Variants in SLC23A3 observed in about 807,000 individuals in gnomAD.
SLC23A3 encodes E2-binding protein 3.
A neutral mutation model predicts 64.7 loss-of-function variants in SLC23A3; 41 were observed. The ratio of observed to expected loss-of-function variants is 0.63; its 90% CI spans 0.49 to 0.82. The LOEUF is 0.82. SLC23A3 is among the 40% of genes least tolerant of loss of function. The pLI, the probability that SLC23A3 is intolerant of heterozygous loss-of-function variation, is 0.00. For synonymous variants in SLC23A3, 281 were observed against 306.8 expected (o/e 0.92, Z 0.88); for missense variants, 647 against 733.4 (o/e 0.88, Z 1.36).
intron 7 of SLC23A3, among the ~76,000 whole-genome samples, chr2:219,166,332 A>G (rs541500764): frequency 3.3e-5 from 5 of 151,932 alleles, no homozygotes; most frequent in African/African-American, 9.7e-5. Context: ...AGTAACTGGG[A>G]CTAAAGGTGC....
At position 219,163,472 on chromosome 2, in the gene SLC23A3, T is replaced by C; in HGVS notation, c.1357A>G (p.Asn453Asp). The change falls in exon 10 of 12, where the codon AAT becomes GAT. Residue 453 changes from asparagine to aspartate, a missense_variant. By Grantham distance (23) the Asn-to-Asp change is conservative. Transcript: ENST00000409878. ...ATGGAGAAGCCCACAATGAAGATAT[T>C]TCGCCCAGAGTCTATGTCAGCCAGG... Reference protein sequence around the residue: ...FYLADIDSGRNIFIVGFSIFM... With the variant: ...FYLADIDSGRDIFIVGFSIFM... 6.2e-7 allele frequency: 1 copy of C among 1,614,114 alleles called. No homozygotes were observed. The highest frequency in any genetic ancestry group is 8.5e-7 in the Non-Finnish European group (1 of 1,180,032).
At chr2:219,165,059 T>C (rs1280962536) in intron 8 of SLC23A3, 110 bp downstream of exon 8, 8 of 1,375,262 alleles carry the variant, frequency 5.8e-6, no homozygotes, top group Admixed American at 5.4e-5. Context: ...CCAAGTAAGA[T>C]AGTTGATGTG....
chr2:219,168,565 T>A (rs1394852552), intron 5 of SLC23A3, 87 bp downstream of exon 5: 5 of 1,342,170 alleles, frequency 3.7e-6, no homozygotes, highest in Non-Finnish European at 4.1e-6. Flanking sequence ...CGCTGCTGAA[T>A]CTGATAGGAC....
intron 5 of SLC23A3, 96 bp downstream of exon 5, chr2:219,168,556 G>T: frequency 7.9e-7 from 1 of 1,271,260 alleles, no homozygotes; most frequent in Non-Finnish European, 1.1e-6. Flanking sequence ...TATTCCAGTC[G>T]CTGCTGAATC....
rs1278919392 is a variant in SLC23A3, at chr2:219,165,371, G to C, written c.965C>G (p.Ser322Cys). 4 of 1,551,326 alleles carry C rather than the reference G, an allele frequency of 2.6e-6. No homozygotes were observed. The highest frequency in any genetic ancestry group is 3.5e-6 in the Non-Finnish European group (4 of 1,146,890). Residue 322 changes from serine to cysteine, a missense_variant, in exon 8 of 12, where the codon TCC (serine) becomes TGC (cysteine). Ser to Cys is a moderately radical substitution (Grantham distance 112). Transcript: ENST00000409878. ...ACTGGTGGAGGCTGCCAAGGCCATG[G>C]AGATGCCTGCAGCCAGAGCTCTGGG... ...LTPRALAAGI[S>C]MALAASTSSL...
rs1240415026 is a variant in SLC23A3, at chr2:219,169,432, T to A, written c.321-26A>T. The A allele has an allele frequency of 1.9e-6, 3 of 1,613,990 alleles. No individual in the cohort carries two copies. The highest frequency in any genetic ancestry group is 2.2e-5 in the East Asian group (1 of 44,880). On this transcript the variant is annotated intron_variant, in intron 2 of 11. Transcript: ENST00000409878. The surrounding 1 kb of genome is among the most constrained non-coding windows in gnomAD (Gnocchi z 4.5). ...CTGTAGGAACAGCAGCCCCAGCAGGTCTGGGACTATGTGGCAGCCAGCAAG... is the reference window on the plus strand; with the variant it reads ...CTGTAGGAACAGCAGCCCCAGCAGGACTGGGACTATGTGGCAGCCAGCAAG...
rs1950042013 is a variant in SLC23A3, at chr2:219,169,662, G to A, written c.179C>T (p.Ala60Val). 5.0e-6 allele frequency: 8 copies of A among 1,614,158 alleles called. No homozygotes were observed. Among genetic ancestry groups the A allele is most frequent in the South Asian group, 3.3e-5 (3 of 91,084 alleles). The change falls in exon 2 of 12, where the codon GCT becomes GTT. Residue 60 changes from alanine (A) to valine (V), a missense_variant. Transcript: ENST00000409878. This position sits in a 1 kb window ranked among gnomAD's most constrained non-coding sequence, Gnocchi z 4.5. The stretch of plus-strand genomic sequence containing the variant: ...CAGGTGGGAGACACAGAGCAGAGAA[G>A]CCATGACCAAGACATGCTGCAGGTG... Reference protein sequence around the residue: ...LLALQHVLVMASLLCVSHLLL... With the variant: ...LLALQHVLVMVSLLCVSHLLL...
At chr2:219,163,187 A>T (rs1240685505) in intron 10 of SLC23A3, among the ~76,000 whole-genome samples, 1 of 152,204 alleles carries the variant, frequency 6.6e-6, no homozygotes, top group East Asian at 1.9e-4. Flanking sequence ...TACACATCTC[A>T]TCTCTTGTAC....
rs765782202 is a variant in SLC23A3 at position 219,168,054 on chromosome 2, G to A, written c.799-10C>T. ...CCACTGGGATCAGCACCTGAGGGGC[G>A]AGACTGAGAAAAGAACTCCTCCCCC... On this transcript the variant is annotated splice_polypyrimidine_tract_variant and intron_variant, in intron 6 of 11. Coordinates refer to ENST00000409878, the MANE Select transcript of SLC23A3 (RefSeq NM_001144889.2). 7.0e-6 allele frequency: 11 copies of A among 1,570,806 alleles called. No homozygotes were observed. The highest frequency in any genetic ancestry group is 4.1e-5 in the Admixed American group (2 of 48,548).
At chr2:219,165,047 C>A (rs995530649) in intron 8 of SLC23A3, 122 bp downstream of exon 8, 2 of 1,329,818 alleles carry the variant, frequency 1.5e-6, no homozygotes, top group Non-Finnish European at 2.0e-6. Context: ...TTAGGCACCT[C>A]CCCAAGTAAG....
chr2:219,162,500 C>G, intron 10 of SLC23A3, 106 bp from the exon 11 acceptor site: 1 of 772,940 alleles, frequency 1.3e-6, no homozygotes, highest in Admixed American at 2.4e-5. Context: ...AAGGACAGAT[C>G]TTTCTGAATT....
intron 7 of SLC23A3, 117 bp downstream of exon 7, chr2:219,167,813 C>T (rs895647052): frequency 3.7e-6 from 3 of 809,854 alleles, no homozygotes; most frequent in Non-Finnish European, 6.1e-6. Context: ...ATTTCTCTCT[C>T]CTATATGTTT....
rs1269935654 is a variant in SLC23A3 at position 219,165,164 on chromosome 2, C to G, written c.1167+5G>C. 6.4e-7 allele frequency: 1 copy of G among 1,551,598 alleles called. No homozygotes were observed. Among genetic ancestry groups the G allele is most frequent in the Non-Finnish European group, 8.7e-7 (1 of 1,146,998 alleles). ...CTACCCCACTCCCATCCCAGGTCCA[C>G]GTACCTGGATAAGACCCACTTTGCC... On this transcript the variant is annotated splice_donor_5th_base_variant and intron_variant, in intron 8 of 11. Transcript: ENST00000409878.
In SLC23A3 at chr2:219,165,354, A is replaced by G; in HGVS notation, c.982T>C (p.Ser328Pro). The change falls in exon 8 of 12, where the codon TCC (serine) becomes CCC (proline). Residue 328 changes from serine to proline, a missense_variant. Transcript: ENST00000409878. Reference sequence around the variant, plus strand: ...GCATAGCAGCCCAGGGAACTGGTGGAGGCTGCCAAGGCCATGGAGATGCCT... The same window carrying G: ...GCATAGCAGCCCAGGGAACTGGTGGGGGCTGCCAAGGCCATGGAGATGCCT... ...AAGISMALAASTSSLGCYALC... is the reference protein window; with the variant it reads ...AAGISMALAAPTSSLGCYALC... 1 of 1,551,428 alleles carries G rather than the reference A, an allele frequency of 6.4e-7. No individual in the cohort carries two copies. Among genetic ancestry groups the G allele is most frequent in the Non-Finnish European group, 8.7e-7 (1 of 1,146,916 alleles).
At position 219,161,851 on chromosome 2, in the gene SLC23A3, A is replaced by C; in HGVS notation, c.*58T>G. 6.7e-7 allele frequency: 1 copy of C among 1,496,632 alleles called. No homozygotes were observed. The highest frequency in any genetic ancestry group is 1.4e-5 in the South Asian group (1 of 73,206). 92.7% of individuals were successfully genotyped at this position (1,496,632 alleles called of 1,614,324 possible). A position where few individuals can be genotyped will look rare whatever the true frequency, so the allele number is the denominator to read the frequency against. On this transcript the variant is annotated 3_prime_UTR_variant, in exon 12 of 12. Transcript: ENST00000409878. ...ACAAGAAAGAACAGTTTGGGAGCTGACTCTCCAGCAGATGAGAGTTAGGGC... is the reference window on the plus strand; with the variant it reads ...ACAAGAAAGAACAGTTTGGGAGCTGCCTCTCCAGCAGATGAGAGTTAGGGC...
At position 219,165,185 on chromosome 2, in the gene SLC23A3, T is replaced by G; in HGVS notation, c.1151A>C (p.Lys384Thr). ...GTASSFPNVG[K>T]VGLIQAGSQQ... is the part of the protein sequence containing the mutation. Reference sequence around the variant, plus strand: ...TCCACGTACCTGGATAAGACCCACTTTGCCCACGTTGGGGAAGCTGGATGC... The same window carrying G: ...TCCACGTACCTGGATAAGACCCACTGTGCCCACGTTGGGGAAGCTGGATGC... Residue 384 changes from lysine to threonine, a missense_variant, in exon 8 of 12, where the codon AAA (lysine) becomes ACA (threonine). Coordinates refer to ENST00000409878, the MANE Select transcript of SLC23A3 (RefSeq NM_001144889.2). 6.4e-7 allele frequency: 1 copy of G among 1,551,936 alleles called. No homozygotes were observed. The highest frequency in any genetic ancestry group is 8.7e-7 in the Non-Finnish European group (1 of 1,147,094).
At chr2:219,168,115 A>C in intron 6 of SLC23A3, 71 bp from the exon 7 acceptor site, 2 of 1,578,718 alleles carry the variant, frequency 1.3e-6, no homozygotes, top group Non-Finnish European at 1.7e-6. Context: ...GGGTAGACAG[A>C]AGCCAAAAGG....
chr2:219,168,976 G>GC lies in SLC23A3; in HGVS notation c.492+52dup, dbSNP rs531385869. 3,026 of 1,566,014 alleles carry GC rather than the reference G, an allele frequency of 1.9e-3. 21 individuals carry two copies. The African/African-American group carries it at 0.021, about 11-fold the overall frequency. ...CAGTCTGTGCATAATGGAAACAAGA[G>GC]CCCCCCCCAAGCCTGGCACCACCCT... On this transcript the variant is annotated intron_variant, in intron 4 of 11. Coordinates refer to ENST00000409878, the MANE Select transcript of SLC23A3 (RefSeq NM_001144889.2).
In SLC23A3 at chr2:219,161,830, G is replaced by T; in HGVS notation, c.*79C>A. The T allele has an allele frequency of 6.9e-7, 1 of 1,452,098 alleles. No individual in the cohort carries two copies. Among genetic ancestry groups the T allele is most frequent in the Non-Finnish European group, 9.3e-7 (1 of 1,076,564 alleles). 90.0% of individuals were successfully genotyped at this position (1,452,098 alleles called of 1,614,324 possible). A position where few individuals can be genotyped will look rare whatever the true frequency, so the allele number is the denominator to read the frequency against. ...ACACACACATATCCTCTGCCTACAA[G>T]AAAGAACAGTTTGGGAGCTGACTCT... On this transcript the variant is annotated 3_prime_UTR_variant, in exon 12 of 12. Transcript: ENST00000409878.
Sources: gnomAD v4.1 joint callset for allele counts (sites outside exome capture counted in the v4.1 genomes callset) on GRCh38, gnomAD v4.1.1 for gene constraint, Gnocchi (gnomAD v3.1) non-coding constraint, MANE v1.5 for transcripts, NCBI Gene and HGNC (gene_info 2026-07-23, HGNC 2026-07-21) for gene names.